Variants in BFSP2 observed in about 807,000 individuals in gnomAD.
The protein encoded by BFSP2 is phakinin.
In BFSP2, 38 loss-of-function variants were observed where a neutral mutation model predicts 44.9. The ratio of observed to expected loss-of-function variants is 0.85; its 90% CI spans 0.65 to 1.11. The LOEUF (loss-of-function observed/expected upper bound fraction) is 1.11. BFSP2 is among the 50% of genes least tolerant of loss of function. BFSP2 has a pLI of 0.00. For synonymous variants in BFSP2, 197 were observed against 209.9 expected, an observed-to-expected ratio of 0.94 and a Z score of 0.53; for missense variants, 525 against 533.0, an observed-to-expected ratio of 0.99 and a Z score of 0.15.
intron 1 of BFSP2, among the ~76,000 whole-genome samples, chr3:133,433,500 C>T (rs1013864375): frequency 6.6e-6 from 1 of 152,188 alleles, no homozygotes; most frequent in African/African-American, 2.4e-5. Context: ...CCACCCAGGA[C>T]TGGCAAATTA....
At position 133,425,953 on chromosome 3, in the gene BFSP2, G is replaced by GGGGGAAGTGGA. The variant is rs1283672991; in HGVS notation, c.490-21359_490-21358insAGTGGAGGGGA. Among the ~76,000 whole-genome samples the GGGGGAAGTGGA allele has an allele frequency of 9.0e-3, 28 of 3,116 alleles. 6 individuals are homozygous for GGGGGAAGTGGA. The highest frequency in any genetic ancestry group is 0.018 in the African/African-American group (5 of 272). The allele number at this position is 3,116 out of a possible 152,430, so 2.0% of individuals were successfully genotyped here. On this transcript the variant is annotated intron_variant, in intron 1 of 6. Transcript: ENST00000302334. ...AGGGAAGGCAAGGGAAGGGAGGGGAGGGGGAGGGGGAGGGGATGGGGGAGG... is the reference window on the plus strand; with the variant it reads ...AGGGAAGGCAAGGGAAGGGAGGGGAGGGGGAAGTGGAGGGGAGGGGGAGGGGATGGGGGAGG...
chr3:133,410,419 A>T, intron 1 of BFSP2: 1 of 288,706 alleles, frequency 3.5e-6, no homozygotes, highest in South Asian at 3.7e-5. Flanking sequence ...GGATCACAGC[A>T]CTCCAAGCCG....
chr3:133,410,602 C>A, intron 1 of BFSP2: 1 of 295,930 alleles, frequency 3.4e-6, no homozygotes, highest in South Asian at 4.1e-5. Context: ...GGGCAGCACT[C>A]AAATCAGTCT....
At chr3:133,416,007 AC>A (rs2073523259) in intron 1 of BFSP2, among the ~76,000 whole-genome samples, 2 of 35,652 alleles carry the variant, frequency 5.6e-5, no homozygotes, top group African/African-American at 1.2e-4. Context: ...CCTTCTATTC[AC>A]CCCGTCCTCT....
intron 1 of BFSP2, among the ~76,000 whole-genome samples, chr3:133,423,515 C>T (rs1301032379): frequency 6.8e-6 from 1 of 147,016 alleles, no homozygotes; most frequent in Non-Finnish European, 1.5e-5. Context: ...ACCTGCCCAG[C>T]CAACTTTTCC....
chr3:133,418,478 G>A (rs1043226842), intron 1 of BFSP2, among the ~76,000 whole-genome samples: 7 of 152,238 alleles, frequency 4.6e-5, no homozygotes, highest in East Asian at 1.9e-4. Context: ...GGTACCCAGC[G>A]TCCCTGAGGA....
intron 4 of BFSP2, among the ~76,000 whole-genome samples, chr3:133,463,972 A>C (rs1053045205): frequency 6.6e-6 from 1 of 152,180 alleles, no homozygotes; most frequent in East Asian, 1.9e-4. Flanking sequence ...ACATTCCTGA[A>C]AATTTAAAAA....
rs1488507037 is a variant in BFSP2 at position 133,430,025 on chromosome 3, G to A, written c.490-17292G>A. Among the ~76,000 whole-genome samples, 385 of 148,072 alleles carry A rather than the reference G, an allele frequency of 2.6e-3. 3 individuals carry two copies. Among genetic ancestry groups the A allele is most frequent in the Non-Finnish European group, 4.3e-3 (294 of 67,764 alleles). On this transcript the variant is annotated intron_variant, in intron 1 of 6. Coordinates refer to ENST00000302334, the MANE Select transcript of BFSP2 (RefSeq NM_003571.4). ...GCGGTGTTTGGTTTTTTGTCCTTGT[G>A]ATAGTTTGCTGAGAATGATGGTTTC...
intron 5 of BFSP2, among the ~76,000 whole-genome samples, chr3:133,467,191 T>C (rs1446315028): frequency 2.0e-5 from 3 of 152,164 alleles, no homozygotes; most frequent in Non-Finnish European, 4.4e-5. Context: ...CTGCAGTAAA[T>C]GTTGACTGTT....
At chr3:133,455,794 A>C (rs2074007967) in intron 4 of BFSP2, 1 of 152,400 alleles carries the variant, frequency 6.6e-6, no homozygotes, top group East Asian at 1.9e-4. Flanking sequence ...CCTGTAGGGG[A>C]GCACGGGTCC....
chr3:133,469,115 T>A (rs1289995272), intron 5 of BFSP2, among the ~76,000 whole-genome samples: 1 of 152,178 alleles, frequency 6.6e-6, no homozygotes, highest in Non-Finnish European at 1.5e-5. Flanking sequence ...TAATTTACAC[T>A]CTCAACCAGA....
intron 1 of BFSP2, among the ~76,000 whole-genome samples, chr3:133,424,212 A>ATTTTTTTTTTTTTTT (rs112772093): frequency 1.5e-5 from 1 of 64,774 alleles, no homozygotes; most frequent in African/African-American, 3.6e-5. Flanking sequence ...CGTCCAGCTA[A>ATTTTTTTTTTTTTTT]TTTTTTTTTT....
At chr3:133,417,348 C>A (rs376076756) in intron 1 of BFSP2, among the ~76,000 whole-genome samples, 1 of 123,880 alleles carries the variant, frequency 8.1e-6, no homozygotes. Flanking sequence ...CCACTCACCC[C>A]GTTCTCTCCC....
intron 2 of BFSP2, 22 bp from the exon 3 acceptor site, chr3:133,448,467 A>G: frequency 6.2e-7 from 1 of 1,613,194 alleles, no homozygotes; most frequent in African/African-American, 1.3e-5. Flanking sequence ...CAGTTATGCT[A>G]ATTAAGTTCC....
intron 1 of BFSP2, among the ~76,000 whole-genome samples, chr3:133,446,902 A>G (rs1197625932): frequency 2.6e-5 from 4 of 151,730 alleles, no homozygotes; most frequent in Non-Finnish European, 5.9e-5. Flanking sequence ...AAGCTCTCTC[A>G]GCACTCATCT....
At position 133,430,441 on chromosome 3, in the gene BFSP2, C is replaced by T. The variant is rs1445637655; in HGVS notation, c.490-16876C>T. 2.4e-3 allele frequency among the ~76,000 whole-genome samples: 358 copies of T among 152,048 alleles called. 2 individuals carry two copies. Among genetic ancestry groups the T allele is most frequent in the Non-Finnish European group, 3.4e-3 (232 of 67,986 alleles). ...TGTTGTTTCCTGACTTTTTAATGATCGCCATTCTAACTGGTGTGAGATGGT... is the reference window on the plus strand; with the variant it reads ...TGTTGTTTCCTGACTTTTTAATGATTGCCATTCTAACTGGTGTGAGATGGT... On this transcript the variant is annotated intron_variant, in intron 1 of 6. Transcript: ENST00000302334.
chr3:133,451,255 A>G (rs763406919), intron 4 of BFSP2, among the ~76,000 whole-genome samples: 2 of 152,240 alleles, frequency 1.3e-5, no homozygotes, highest in Non-Finnish European at 2.9e-5. Context: ...GTGCAGTAAA[A>G]TATCAGGCAG....
chr3:133,448,161 AAGG>A (rs2073921046), intron 2 of BFSP2, among the ~76,000 whole-genome samples: 1 of 152,220 alleles, frequency 6.6e-6, no homozygotes, highest in Non-Finnish European at 1.5e-5. Context: ...CTTGGTTGAA[AAGG>A]AGGACAATCA....
intron 5 of BFSP2, among the ~76,000 whole-genome samples, chr3:133,470,188 G>A (rs10512901): frequency 0.34 from 51,763 of 152,012 alleles, 10,049 homozygotes; most frequent in East Asian, 0.59. Flanking sequence ...TAGTGATCAC[G>A]TTTTGCCTCT....
Sources: gnomAD v4.1 joint callset for allele counts (sites outside exome capture counted in the v4.1 genomes callset) on GRCh38, gnomAD v4.1.1 for gene constraint, MANE v1.5 for transcripts, NCBI Gene and HGNC (gene_info 2026-07-23, HGNC 2026-07-21) for gene names.